Variants in ARHGEF2 observed in about 807,000 individuals in gnomAD.
ARHGEF2 encodes Rho/Rac guanine nucleotide exchange factor 2.
In ARHGEF2, 22 loss-of-function variants were observed where a neutral mutation model predicts 121.0. The observed-to-expected ratio is 0.18, with a 90% CI of 0.13 to 0.26. The LOEUF is 0.26. ARHGEF2 is among the 10% of genes least tolerant of loss of function. The pLI is 1.00. For missense variants in ARHGEF2, 907 were observed against 1,336.0 expected, an observed-to-expected ratio of 0.68 and a Z score of 5.01; for synonymous variants, 487 against 530.0, an observed-to-expected ratio of 0.92 and a Z score of 1.11.
Position 155,957,726 on chromosome 1 carries a change from G to T in ARHGEF2, c.1702C>A (p.Gln568Lys). Residue 568 changes from glutamine to lysine, a missense_variant, in exon 13 of 22, where the codon CAG becomes AAG. Transcript: ENST00000361247. Reference sequence around the variant, plus strand: ...GCAGACACTCACGTGCGCACGCTCTGCTGAATGACCCGGATCCAGGTGCTC... The same window carrying T: ...GCAGACACTCACGTGCGCACGCTCTTCTGAATGACCCGGATCCAGGTGCTC... ...DRSTWIRVIQ[Q>K]SVRTCPSRED... 1.2e-6 allele frequency: 2 copies of T among 1,613,118 alleles called. No homozygotes were observed. The highest frequency in any genetic ancestry group is 1.7e-6 in the Non-Finnish European group (2 of 1,179,732).
chr1:155,969,506 C>G (rs1249050663), intron 1 of ARHGEF2: 1 of 1,412,258 alleles, frequency 7.1e-7, no homozygotes, highest in Non-Finnish European at 9.2e-7. Flanking sequence ...GGCAGCCAGC[C>G]CGGATGGGTT....
chr1:155,952,304 C>T (rs1675649526), intron 15 of ARHGEF2, 69 bp from the exon 16 acceptor site: 3 of 1,594,238 alleles, frequency 1.9e-6, no homozygotes, highest in South Asian at 1.1e-5. Flanking sequence ...CATTCACCCC[C>T]ACATGTGGGA....
At chr1:155,978,909 T>A (rs1163029075), upstream of ARHGEF2, 4 of 986,102 alleles carry the variant, frequency 4.1e-6, no homozygotes, top group South Asian at 1.9e-4. This position sits in a 1 kb window ranked among gnomAD's most constrained non-coding sequence, Gnocchi z 4.1. Flanking sequence ...CCCTACTGCG[T>A]TACCTCAGTC....
At chr1:155,973,707 C>T (rs1302451447) in intron 1 of ARHGEF2, among the ~76,000 whole-genome samples, 2 of 151,190 alleles carry the variant, frequency 1.3e-5, no homozygotes, top group African/African-American at 4.9e-5. Flanking sequence ...GATCATGCCA[C>T]TGCACTCCAG....
intron 1 of ARHGEF2, among the ~76,000 whole-genome samples, chr1:155,976,615 C>T (rs1447067193): frequency 2.2e-5 from 3 of 133,354 alleles, no homozygotes; most frequent in Non-Finnish European, 3.2e-5. Context: ...CCCACAGAAC[C>T]GCTCTCTATA....
rs1478770534 is a variant in ARHGEF2 at position 155,964,159 on chromosome 1, AAAAAAAAAATATATATAT to A, written c.724+811_724+828del. The stretch of plus-strand genomic sequence containing the variant: ...GACTCTGCTTCAAAAAAAAAAAAAA[AAAAAAAAAATATATATAT>A]ATATATATATATATATATATACATA... On this transcript the variant is annotated intron_variant, in intron 7 of 21. Coordinates refer to ENST00000361247, the MANE Select transcript of ARHGEF2 (RefSeq NM_001162383.2). Among the ~76,000 whole-genome samples the A allele has an allele frequency of 3.0e-4, 18 of 59,264 alleles. No individual in the cohort carries two copies. The East Asian group carries it at 9.6e-3, about 32-fold the overall frequency. The allele number at this position is 59,264 out of a possible 152,430, so 38.9% of individuals were successfully genotyped here.
At chr1:155,970,231 G>A (rs921293725) in intron 1 of ARHGEF2, 10 of 985,230 alleles carry the variant, frequency 1.0e-5, no homozygotes, top group East Asian at 1.1e-4. Flanking sequence ...CGCAGATGGC[G>A]CACACCTTCC....
chr1:155,952,280 C>T (rs748865002), intron 15 of ARHGEF2, 45 bp from the exon 16 acceptor site: 2 of 1,609,316 alleles, frequency 1.2e-6, no homozygotes, highest in South Asian at 1.1e-5. Flanking sequence ...GACACAGGAC[C>T]CTGAGGGGAA....
chr1:155,969,385 G>A (rs1680042788), intron 1 of ARHGEF2, 85 bp from the exon 2 acceptor site: 4 of 1,569,886 alleles, frequency 2.5e-6, no homozygotes, highest in African/African-American at 2.7e-5. Context: ...GGGGGCAGAG[G>A]CAAGGAAAAA....
chr1:155,950,991 T>G lies in ARHGEF2; in HGVS notation c.2541A>C (p.Ala847=). 1 of 1,608,706 alleles carries G rather than the reference T, an allele frequency of 6.2e-7. No homozygotes were observed. Among genetic ancestry groups the G allele is most frequent in the Non-Finnish European group, 8.5e-7 (1 of 1,178,694 alleles). Residue 847 remains alanine, a synonymous_variant, in exon 20 of 22, where the codon GCA becomes GCC. Coordinates refer to ENST00000361247, the MANE Select transcript of ARHGEF2 (RefSeq NM_001162383.2). This position sits in a 1 kb window ranked among gnomAD's most constrained non-coding sequence, Gnocchi z 5.2. Reference sequence around the variant, plus strand: ...CCTCTTCGGCCTCACGCTCCAGCAGTGCCCGGGCCTGCTCACTCTCCCGGA... The same window carrying G: ...CCTCTTCGGCCTCACGCTCCAGCAGGGCCCGGGCCTGCTCACTCTCCCGGA... ...ARLRESEQAR[A]LLEREAEEAR...
At chr1:155,969,091 CAG>C in intron 2 of ARHGEF2, 63 bp downstream of exon 2, 3 of 1,587,570 alleles carry the variant, frequency 1.9e-6, no homozygotes, top group South Asian at 1.1e-5. Context: ...GCAGAAAAAA[CAG>C]ATGAAAAGAT....
chr1:155,963,821 G>A (rs902523021), intron 7 of ARHGEF2, among the ~76,000 whole-genome samples: 1 of 151,802 alleles, frequency 6.6e-6, no homozygotes, highest in Non-Finnish European at 1.5e-5. Flanking sequence ...ATAGGCACAT[G>A]CCACCACACC....
intron 1 of ARHGEF2, chr1:155,969,809 G>A (rs1232436200): frequency 1.0e-6 from 1 of 986,896 alleles, no homozygotes; most frequent in African/African-American, 1.7e-5. Flanking sequence ...TCACAGTGGG[G>A]GGGGCAGGAG....
At chr1:155,968,583 T>G (rs1330764495) in intron 2 of ARHGEF2, 1 of 152,718 alleles carries the variant, frequency 6.5e-6, no homozygotes, top group Non-Finnish European at 1.5e-5. Context: ...CACACATCCC[T>G]GCTACATTCC....
Position 155,961,936 on chromosome 1 carries a change from C to A in ARHGEF2, c.1220-27G>T, listed in dbSNP as rs374050896. On this transcript the variant is annotated intron_variant, in intron 10 of 21. Transcript: ENST00000361247. This position sits in a 1 kb window ranked among gnomAD's most constrained non-coding sequence, Gnocchi z 4.7. ...TGGCACCGGGGGTTGGCATGGGGAA[C>A]GGCTCAACCAGTTTCACTCACACCC... is the stretch of plus-strand genomic sequence containing the variant. 1.2e-6 allele frequency: 2 copies of A among 1,612,544 alleles called. No individual in the cohort carries two copies. The highest frequency in any genetic ancestry group is 4.5e-5 in the East Asian group (2 of 44,848).
At position 155,951,349 on chromosome 1, in the gene ARHGEF2, C is replaced by T; in HGVS notation, c.2260-77G>A. On this transcript the variant is annotated intron_variant, in intron 19 of 21. Transcript: ENST00000361247. This position sits in a 1 kb window ranked among gnomAD's most constrained non-coding sequence, Gnocchi z 5.1. ...ACCCCTCGCCTTCACCCTCCAAGGC[C>T]CAGATCATCGCTCCTGGAGAGCTTG... 6.4e-7 allele frequency: 1 copy of T among 1,566,138 alleles called. No homozygotes were observed. The highest frequency in any genetic ancestry group is 1.2e-5 in the South Asian group (1 of 86,508).
In ARHGEF2 at chr1:155,950,404, GCCTCTCTCGGT is replaced by G; in HGVS notation, c.2771_2781del (p.Asp924AlafsTer15). On this transcript the variant is annotated frameshift_variant, in exon 21 of 22. Transcript: ENST00000361247. LOFTEE classifies it high-confidence loss of function. The surrounding 1 kb of genome is among the most constrained non-coding windows in gnomAD (Gnocchi z 5.2). The stretch of plus-strand genomic sequence containing the variant: ...CGCTCTTCGGGGCTCCCCAGTTCCT[GCCTCTCTCGGT>G]CCTCAAAGTTTCGATGGACAGAGCG... The G allele has an allele frequency of 6.2e-7, 1 of 1,614,102 alleles. No individual in the cohort carries two copies. The highest frequency in any genetic ancestry group is 8.5e-7 in the Non-Finnish European group (1 of 1,180,046).
At chr1:155,978,639 G>A (rs1681785664), upstream of ARHGEF2, 1 of 1,214,652 alleles carries the variant, frequency 8.2e-7, no homozygotes, top group Non-Finnish European at 1.0e-6. This position sits in a 1 kb window ranked among gnomAD's most constrained non-coding sequence, Gnocchi z 4.1. Context: ...GAGGGAGGGC[G>A]GGGTGCCCGC....
chr1:155,947,381 T>C lies in ARHGEF2; in HGVS notation c.*561A>G, dbSNP rs143257835. 336 of 456,546 alleles carry C rather than the reference T, an allele frequency of 7.4e-4. 1 individual carries two copies. Among genetic ancestry groups the C allele is most frequent in the African/African-American group, 6.2e-3 (312 of 50,142 alleles). The allele number at this position is 456,546 out of a possible 1,614,324, so 28.3% of individuals were successfully genotyped here. On this transcript the variant is annotated 3_prime_UTR_variant, in exon 22 of 22. Coordinates refer to ENST00000361247, the MANE Select transcript of ARHGEF2 (RefSeq NM_001162383.2). Reference sequence around the variant, plus strand: ...GCCAGGTTATCTCCCAGGGCTTCCATGAAGGACGGAGAAAGGGAGAACAGC... The same window carrying C: ...GCCAGGTTATCTCCCAGGGCTTCCACGAAGGACGGAGAAAGGGAGAACAGC...
Sources: allele counts gnomAD v4.1 joint callset (sites outside exome capture counted in the v4.1 genomes callset), GRCh38; gene constraint gnomAD v4.1.1; non-coding constraint Gnocchi (gnomAD v3.1); transcripts MANE v1.5; gene names NCBI Gene and HGNC (gene_info 2026-07-23, HGNC 2026-07-21).